Variants in WNT7A observed in about 807,000 individuals in gnomAD.
WNT7A encodes protein Wnt-7a.
Under a neutral mutation model 28.2 loss-of-function variants are expected in WNT7A, and 16 were observed. The observed-to-expected ratio is 0.57, with a 90% CI of 0.38 to 0.86. The LOEUF is 0.86. Among genes scored for constraint, WNT7A ranks in the 40% least tolerant of loss-of-function variants. WNT7A has a pLI of 0.00. For missense variants in WNT7A, 411 were observed against 489.7 expected, an observed-to-expected ratio of 0.84 and a Z score of 1.52; for synonymous variants, 190 against 195.9, an observed-to-expected ratio of 0.97 and a Z score of 0.25.
chr3:13,850,891 C>G (rs1694624311), intron 3 of WNT7A, among the ~76,000 whole-genome samples: 1 of 152,112 alleles, frequency 6.6e-6, no homozygotes, highest in African/African-American at 2.4e-5. Context: ...CCAGGTTCTT[C>G]TGGTTCTCCT....
At chr3:13,855,160 G>GA (rs1694708777) in intron 2 of WNT7A, among the ~76,000 whole-genome samples, 5 of 152,316 alleles carry the variant, frequency 3.3e-5, no homozygotes, top group African/African-American at 1.2e-4. Flanking sequence ...AACTGCACAC[G>GA]TGCATAAAGC....
intron 3 of WNT7A, among the ~76,000 whole-genome samples, chr3:13,853,458 G>A (rs1167194325): frequency 6.6e-6 from 1 of 152,132 alleles, no homozygotes; most frequent in Non-Finnish European, 1.5e-5. Context: ...AGCCAGTGTG[G>A]TCCCTAACTG....
In WNT7A at chr3:13,872,879, C is replaced by T. The variant is rs1488567475; in HGVS notation, c.298+2068G>A. On this transcript the variant is annotated intron_variant, in intron 2 of 3. Coordinates refer to ENST00000285018, the MANE Select transcript of WNT7A (RefSeq NM_004625.4). ...GGGAATGAACCCAGTCCTGAGAGGC[C>T]CTGCCACTCATTTGACTTGACTTCG... 5.9e-5 allele frequency among the ~76,000 whole-genome samples: 9 copies of T among 152,262 alleles called. 1 individual carries two copies. The Middle Eastern group carries it at 0.01, about 173-fold the overall frequency.
In WNT7A at chr3:13,843,084, C is replaced by CA. The variant is rs767913830; in HGVS notation, c.570+11447dup. On this transcript the variant is annotated intron_variant, in intron 3 of 3. Coordinates refer to ENST00000285018, the MANE Select transcript of WNT7A (RefSeq NM_004625.4). Reference sequence around the variant, plus strand: ...CTGTGGCCCTCCCTGCTCAGTGCAGCAAAAAATCTCAATGGCGACCTGGAC... The same window carrying CA: ...CTGTGGCCCTCCCTGCTCAGTGCAGCAAAAAAATCTCAATGGCGACCTGGAC... Among the ~76,000 whole-genome samples, 8 of 152,254 alleles carry CA rather than the reference C, an allele frequency of 5.3e-5. 1 individual carries two copies. Among genetic ancestry groups the CA allele is most frequent in the East Asian group, 3.9e-4 (2 of 5,180 alleles).
intron 3 of WNT7A, among the ~76,000 whole-genome samples, chr3:13,853,096 T>G (rs1694665774): frequency 1.4e-5 from 1 of 73,108 alleles, no homozygotes; most frequent in Admixed American, 1.3e-4. Context: ...CTATGACTTC[T>G]GCCCCACAGT....
chr3:13,835,881 T>C (rs1273324074), intron 3 of WNT7A, among the ~76,000 whole-genome samples: 2 of 152,212 alleles, frequency 1.3e-5, no homozygotes, highest in African/African-American at 4.8e-5. Flanking sequence ...GCAACATGGA[T>C]GAACCTTGAA....
chr3:13,826,286 C>T (rs943743777), intron 3 of WNT7A, among the ~76,000 whole-genome samples: 1 of 152,142 alleles, frequency 6.6e-6, no homozygotes, highest in African/African-American at 2.4e-5. Flanking sequence ...TCCCCTGAAT[C>T]TAATCATACA....
At chr3:13,878,421 A>G (rs1159528405) in intron 1 of WNT7A, among the ~76,000 whole-genome samples, 4 of 152,102 alleles carry the variant, frequency 2.6e-5, no homozygotes, top group African/African-American at 4.8e-5. Flanking sequence ...AAAGCAGGGG[A>G]AAAAAAGGAA....
At chr3:13,876,092 C>T (rs975992579) in intron 1 of WNT7A, 1 of 152,386 alleles carries the variant, frequency 6.6e-6, no homozygotes, top group Non-Finnish European at 1.5e-5. Context: ...GTGAGGGCCA[C>T]TTTAGCTGAG....
chr3:13,836,199 T>TAA lies in WNT7A; in HGVS notation c.571-16777_571-16776insTT, dbSNP rs200890080. 1.7e-3 allele frequency among the ~76,000 whole-genome samples: 235 copies of TAA among 139,298 alleles called. 6 individuals carry two copies. In the South Asian group the frequency reaches 0.017, roughly 10 times the overall value. 91.4% of individuals were successfully genotyped at this position (139,298 alleles called of 152,430 possible). On this transcript the variant is annotated intron_variant, in intron 3 of 3. Transcript: ENST00000285018. ...AATTATATCTCAGTAAAGCTGGTTT[T>TAA]TAAAAAAAAAAAAAAAAAAAAGACA...
intron 2 of WNT7A, among the ~76,000 whole-genome samples, chr3:13,865,363 C>T (rs1300364146): frequency 6.6e-6 from 1 of 152,128 alleles, no homozygotes; most frequent in South Asian, 2.1e-4. Flanking sequence ...GGAACGGGCA[C>T]AGCTCCTCTT....
At chr3:13,850,162 G>T (rs989636442) in intron 3 of WNT7A, among the ~76,000 whole-genome samples, 2 of 152,158 alleles carry the variant, frequency 1.3e-5, no homozygotes, top group Non-Finnish European at 2.9e-5. Context: ...AGGAATGGAG[G>T]GCACGGCAGA....
intron 3 of WNT7A, among the ~76,000 whole-genome samples, chr3:13,823,822 G>T (rs1694147713): frequency 3.3e-5 from 5 of 152,224 alleles, no homozygotes; most frequent in Admixed American, 2.0e-4. Context: ...AAATCGGAGG[G>T]CAGGAGGAAA....
At chr3:13,834,631 G>T (rs1340968449) in intron 3 of WNT7A, among the ~76,000 whole-genome samples, 1 of 152,048 alleles carries the variant, frequency 6.6e-6, no homozygotes, top group African/African-American at 2.4e-5. Context: ...CTGCCTCTGG[G>T]CCTTTGCACC....
intron 2 of WNT7A, among the ~76,000 whole-genome samples, chr3:13,858,134 C>T (rs1416273327): frequency 6.6e-6 from 1 of 152,186 alleles, no homozygotes; most frequent in Non-Finnish European, 1.5e-5. Context: ...CCTCTGGGCA[C>T]CCCATGTAGA....
At position 13,854,760 on chromosome 3, in the gene WNT7A, G is replaced by A. The variant is rs746104696; in HGVS notation, c.342C>T (p.Gly114=). Residue 114 remains glycine, a synonymous_variant, in exon 3 of 4, where the codon GGC becomes GGT. Coordinates refer to ENST00000285018, the MANE Select transcript of WNT7A (RefSeq NM_004625.4). Reference sequence around the variant, plus strand: ...AGGCAGCTGTGATGGCGTGGGCCACGCCGGCGGCAATGATGGCGTAGGTGA... The same window carrying A: ...AGGCAGCTGTGATGGCGTGGGCCACACCGGCGGCAATGATGGCGTAGGTGA... ...AAFTYAIIAA[G]VAHAITAACT... The A allele has an allele frequency of 9.3e-6, 15 of 1,613,796 alleles. No homozygotes were observed. The East Asian group carries it at 1.6e-4, about 17-fold the overall frequency.
At chr3:13,864,657 T>G (rs917467157) in intron 2 of WNT7A, among the ~76,000 whole-genome samples, 2 of 152,332 alleles carry the variant, frequency 1.3e-5, no homozygotes, top group African/African-American at 4.8e-5. Flanking sequence ...ATCTGTGGGA[T>G]GAGGACGTGA....
At chr3:13,874,395 C>T (rs1339435387) in intron 2 of WNT7A, among the ~76,000 whole-genome samples, 1 of 152,142 alleles carries the variant, frequency 6.6e-6, no homozygotes, top group Non-Finnish European at 1.5e-5. Context: ...CACGCCATTC[C>T]CATAAAACAG....
chr3:13,834,586 T>C (rs1368960629), intron 3 of WNT7A, among the ~76,000 whole-genome samples: 1 of 151,992 alleles, frequency 6.6e-6, no homozygotes, highest in Non-Finnish European at 1.5e-5. Context: ...TCACAGTGGG[T>C]TCCTTGCTGT....
Sources: allele counts gnomAD v4.1 joint callset (sites outside exome capture counted in the v4.1 genomes callset), GRCh38; gene constraint gnomAD v4.1.1; transcripts MANE v1.5; gene names NCBI Gene and HGNC (gene_info 2026-07-23, HGNC 2026-07-21).